The following PRKRA variants were observed in gnomAD, a reference collection of about 807,000 sequenced individuals.
PRKRA encodes the protein interferon-inducible double-stranded RNA-dependent protein kinase activator A.
A neutral mutation model predicts 32.4 loss-of-function variants in PRKRA; 22 were observed. That is an observed-to-expected ratio of 0.68 (90% confidence interval 0.49 to 0.97). The LOEUF (loss-of-function observed/expected upper bound fraction) is 0.97, where lower values mean the gene tolerates loss of function less well. Among genes scored for constraint, PRKRA ranks in the 50% least tolerant of loss-of-function variants. The pLI is 0.00. For synonymous variants in PRKRA, 139 were observed against 129.8 expected, an observed-to-expected ratio of 1.07 and a Z score of -0.48; for missense variants, 319 against 375.6, an observed-to-expected ratio of 0.85 and a Z score of 1.25.
At chr2:178,450,826 G>C in intron 1 of PRKRA, 140 bp downstream of exon 1, 2 of 1,360,942 alleles carry the variant, frequency 1.5e-6, no homozygotes, top group Non-Finnish European at 9.4e-7. Flanking sequence ...CGAGAGGGCG[G>C]GGCCGAGCAC....
intron 7 of PRKRA, among the ~76,000 whole-genome samples, chr2:178,434,772 T>G (rs1302788759): frequency 2.0e-5 from 3 of 151,998 alleles, no homozygotes; most frequent in African/African-American, 4.8e-5. Flanking sequence ...ACAAGCAAGG[T>G]CCCCACATCT....
chr2:178,443,335 T>G lies in PRKRA; in HGVS notation c.446A>C (p.Gln149Pro). 6.2e-7 allele frequency: 1 copy of G among 1,613,434 alleles called. No homozygotes were observed. The highest frequency in any genetic ancestry group is 8.5e-7 in the Non-Finnish European group (1 of 1,179,388). Residue 149 changes from glutamine to proline, a missense_variant, in exon 5 of 8, where the codon CAG becomes CCG. By Grantham distance (76) the Gln-to-Pro change is moderately conservative. Coordinates refer to ENST00000325748, the MANE Select transcript of PRKRA (RefSeq NM_003690.5). ...GWRLPEYTLS[Q>P]EGGPAHKREY... ...TCTCTTATGAGCAGGTCCTCCCTCC[T>G]GGGAAAGGGTATATTCAGGAAGTCT... is the stretch of plus-strand genomic sequence containing the variant.
chr2:178,443,924 C>T (rs1346153268), intron 4 of PRKRA: 1 of 171,010 alleles, frequency 5.8e-6, no homozygotes, highest in Non-Finnish European at 1.3e-5. Flanking sequence ...TAACAGAGCA[C>T]ATGGATAATC....
chr2:178,450,821 GGGCGGGGCCGAGCACCCACAGCCGCGGA>G (rs1328842640), intron 1 of PRKRA, 117 bp downstream of exon 1: 1 of 1,358,416 alleles, frequency 7.4e-7, no homozygotes, highest in African/African-American at 1.5e-5. Context: ...GCCGCCGAGA[GGGCGGGGCCGAGCACCCACAGCCGCGGA>G]GGCGTGGGCG....
At chr2:178,432,690 A>T (rs998242161) in intron 7 of PRKRA, among the ~76,000 whole-genome samples, 1 of 152,360 alleles carries the variant, frequency 6.6e-6, no homozygotes. Flanking sequence ...ATTTTCCACT[A>T]GGAAGTCATT....
intron 7 of PRKRA, chr2:178,433,423 T>TC (rs1466730032): frequency 3.3e-5 from 5 of 152,182 alleles, no homozygotes; most frequent in Admixed American, 1.3e-4. Context: ...TTTGAGGAAC[T>TC]GAGAAGCTTA....
intron 2 of PRKRA, among the ~76,000 whole-genome samples, chr2:178,447,987 G>C (rs921625719): frequency 6.6e-6 from 1 of 152,168 alleles, no homozygotes; most frequent in African/African-American, 2.4e-5. Context: ...TCTGCAGCAA[G>C]AAGTTTCTTT....
In PRKRA at chr2:178,434,326, G is replaced by T. The variant is rs950443535; in HGVS notation, c.784+1819C>A. On this transcript the variant is annotated intron_variant, in intron 7 of 7. Transcript: ENST00000325748. ...GGGTTTCACCGTGTTGGTCAGGCTG[G>T]TCTCAAACGCCTGACCTCAGGTGAT... Among the ~76,000 whole-genome samples the T allele has an allele frequency of 2.0e-5, 3 of 151,850 alleles. No homozygotes were observed. In the East Asian group the frequency reaches 5.8e-4, roughly 29 times the overall value.
At chr2:178,444,298 C>A in intron 4 of PRKRA, 124 bp downstream of exon 4, 2 of 817,508 alleles carry the variant, frequency 2.4e-6, no homozygotes, top group East Asian at 5.3e-5. Flanking sequence ...ATCTAATGAT[C>A]GTAAGTTGGA....
At chr2:178,450,667 C>G in intron 1 of PRKRA, 2 of 1,425,700 alleles carry the variant, frequency 1.4e-6, no homozygotes, top group Non-Finnish European at 1.8e-6. Context: ...CTCAACAGAA[C>G]AGGGCTGGCA....
chr2:178,451,010 G>T lies in PRKRA; in HGVS notation c.21C>A (p.Arg7=). The change falls in exon 1 of 8, where the codon CGC becomes CGA. Residue 7 remains arginine, a synonymous_variant. Transcript: ENST00000325748. ...CGCGCTCCAGCGGCGGGGCCTCGGC[G>T]CGGTGCCTGCTCTGGGACATGGCGA... is the stretch of plus-strand genomic sequence containing the variant. MSQSRH[R]AEAPPLERED... 1 of 1,491,754 alleles carries T rather than the reference G, an allele frequency of 6.7e-7. No individual in the cohort carries two copies. The highest frequency in any genetic ancestry group is 8.9e-7 in the Non-Finnish European group (1 of 1,123,068). The allele number at this position is 1,491,754 out of a possible 1,614,324, so 92.4% of individuals were successfully genotyped here.
At chr2:178,440,074 AAG>A (rs1345155827) in intron 6 of PRKRA, 1 of 152,146 alleles carries the variant, frequency 6.6e-6, no homozygotes, top group African/African-American at 2.4e-5. Flanking sequence ...ATTGCCTGAA[AAG>A]AGTTTAAATA....
At chr2:178,432,347 C>G in intron 7 of PRKRA, 93 bp from the exon 8 acceptor site, 1 of 1,518,822 alleles carries the variant, frequency 6.6e-7, no homozygotes, top group Non-Finnish European at 9.1e-7. Context: ...TATTGTCTTT[C>G]TTTTTAAGCC....
In PRKRA at chr2:178,447,315, T is replaced by C. The variant is rs575319298; in HGVS notation, c.317+190A>G. 523 of 971,108 alleles carry C rather than the reference T, an allele frequency of 5.4e-4. No individual in the cohort carries two copies. In the African/African-American group the frequency reaches 7.8e-3, roughly 15 times the overall value. The allele number at this position is 971,108 out of a possible 1,614,324, so 60.2% of individuals were successfully genotyped here. On this transcript the variant is annotated intron_variant, in intron 3 of 7. Transcript: ENST00000325748. ...CTAGTTCATGAGCACCTTCATTTAA[T>C]AGCTAATTGCTGGATTTGATTGGAT...
In PRKRA at chr2:178,436,568, C is replaced by T. The variant is rs575511280; in HGVS notation, c.610-249G>A. ...AAAGCATTTTGTATTTTGTATAGTACAAATGTTTCTCAGTCAAGTTTTCTG... is the reference window on the plus strand; with the variant it reads ...AAAGCATTTTGTATTTTGTATAGTATAAATGTTTCTCAGTCAAGTTTTCTG... On this transcript the variant is annotated intron_variant, in intron 6 of 7. Transcript: ENST00000325748. Among the ~76,000 whole-genome samples, 44 of 152,226 alleles carry T rather than the reference C, an allele frequency of 2.9e-4. No individual in the cohort carries two copies. In the South Asian group the frequency reaches 9.1e-3, roughly 32 times the overall value.
intron 7 of PRKRA, among the ~76,000 whole-genome samples, chr2:178,435,220 GAAA>G (rs75303596): frequency 2.1e-5 from 3 of 141,566 alleles, no homozygotes; most frequent in African/African-American, 7.7e-5. Flanking sequence ...CCATCTTGGG[GAAA>G]AAAAAAAAAA....
chr2:178,450,798 G>A, intron 1 of PRKRA, 168 bp downstream of exon 1: 1 of 1,339,440 alleles, frequency 7.5e-7, no homozygotes, highest in South Asian at 1.9e-5. Context: ...CCCGGCCGCA[G>A]ACCCCAACCC....
intron 6 of PRKRA, among the ~76,000 whole-genome samples, chr2:178,437,353 A>C (rs1485875808): frequency 6.6e-6 from 1 of 152,088 alleles, no homozygotes; most frequent in African/African-American, 2.4e-5. Context: ...AACATTTTTC[A>C]GTATCTTCCC....
chr2:178,442,097 C>G (rs1697140126), intron 5 of PRKRA, among the ~76,000 whole-genome samples: 1 of 152,020 alleles, frequency 6.6e-6, no homozygotes. Flanking sequence ...GTTGGCCAGG[C>G]TGGTCTCAAA....
Sources: allele counts gnomAD v4.1 joint callset (sites outside exome capture counted in the v4.1 genomes callset), GRCh38; gene constraint gnomAD v4.1.1; transcripts MANE v1.5; gene names NCBI Gene and HGNC (gene_info 2026-07-23, HGNC 2026-07-21).